CSMD3: variants seen among roughly 807,000 people sequenced by gnomAD.
The protein encoded by CSMD3 is CUB and sushi domain-containing protein 3.
In CSMD3, 177 loss-of-function variants were observed where a neutral mutation model predicts 435.2. The observed-to-expected ratio is 0.41, with a 90% CI of 0.36 to 0.46. The LOEUF (loss-of-function observed/expected upper bound fraction) is 0.46. Ranked by LOEUF, CSMD3 falls within the 20% of genes least tolerant of loss-of-function variation. The pLI is 0.34. For synonymous variants in CSMD3, 1,656 were observed against 1,520.5 expected, an observed-to-expected ratio of 1.09 and a Z score of -2.07; for missense variants, 4,265 against 4,504.6, an observed-to-expected ratio of 0.95 and a Z score of 1.52.
At chr8:113,345,788 G>T (rs2094147310) in intron 1 of CSMD3, among the ~76,000 whole-genome samples, 1 of 152,012 alleles carries the variant, frequency 6.6e-6, no homozygotes, top group South Asian at 2.1e-4. Context: ...GAAGAGACAG[G>T]CACAGTAAGA....
At position 113,142,900 on chromosome 8, in the gene CSMD3, C is replaced by T. The variant is rs534841718; in HGVS notation, c.709+30822G>A. Among the ~76,000 whole-genome samples the T allele has an allele frequency of 2.7e-5, 4 of 149,190 alleles. No individual in the cohort carries two copies. In the South Asian group the frequency reaches 6.3e-4, roughly 24 times the overall value. On this transcript the variant is annotated intron_variant, in intron 4 of 70. Transcript: ENST00000297405. ...TATATATATATATACCTACTATGTACATGCAAAAATTAAAAGTAAAAATAA... is the reference window on the plus strand; with the variant it reads ...TATATATATATATACCTACTATGTATATGCAAAAATTAAAAGTAAAAATAA...
At chr8:112,546,167 T>C (rs1214764356) in intron 27 of CSMD3, among the ~76,000 whole-genome samples, 4 of 152,142 alleles carry the variant, frequency 2.6e-5, no homozygotes, top group Non-Finnish European at 1.5e-5. Context: ...AAATGAATAG[T>C]GAGGAGTGAA....
chr8:112,662,629 T>C (rs1057333049), intron 17 of CSMD3, among the ~76,000 whole-genome samples: 1 of 152,136 alleles, frequency 6.6e-6, no homozygotes, highest in African/African-American at 2.4e-5. Context: ...ACTTCATGTC[T>C]AAAACACCAA....
chr8:112,871,115 A>G (rs1007567840), intron 10 of CSMD3, among the ~76,000 whole-genome samples: 17 of 152,298 alleles, frequency 1.1e-4, no homozygotes, highest in African/African-American at 3.1e-4. Context: ...CGTGATTATT[A>G]CCATTAAACA....
chr8:113,358,805 G>A (rs545724329), intron 1 of CSMD3, among the ~76,000 whole-genome samples: 4 of 151,900 alleles, frequency 2.6e-5, no homozygotes, highest in Non-Finnish European at 5.9e-5. Flanking sequence ...GGCAGAGATA[G>A]TCAAAACTCA....
intron 3 of CSMD3, among the ~76,000 whole-genome samples, chr8:113,237,768 TAAC>T (rs1212833819): frequency 1.3e-5 from 2 of 152,270 alleles, no homozygotes; most frequent in East Asian, 3.9e-4. Context: ...AGTAAAAATA[TAAC>T]AATGTTTATC....
intron 4 of CSMD3, among the ~76,000 whole-genome samples, chr8:113,133,010 C>T (rs771585711): frequency 6.6e-6 from 1 of 152,040 alleles, no homozygotes; most frequent in African/African-American, 2.4e-5. Flanking sequence ...TTTCACAGTA[C>T]ATTCTTGAAA....
intron 3 of CSMD3, among the ~76,000 whole-genome samples, chr8:113,252,905 T>G (rs1459430259): frequency 6.6e-6 from 1 of 151,902 alleles, no homozygotes; most frequent in African/African-American, 2.4e-5. Context: ...TGCTGAGAGG[T>G]AAACAGACAC....
In CSMD3 at chr8:113,436,925, G is replaced by C. The variant is rs2130161831; in HGVS notation, c.-71C>G. The C allele has an allele frequency of 1.3e-6, 2 of 1,550,182 alleles. No individual in the cohort carries two copies. The highest frequency in any genetic ancestry group is 1.8e-6 in the Non-Finnish European group (2 of 1,125,120). On this transcript the variant is annotated 5_prime_UTR_variant, in exon 1 of 71. Transcript: ENST00000297405. ...GAGTTGTTGCTGTTGTTGGTGCGCG[G>C]TCACAGCTCGGAGTGAATGGTGTTT...
intron 64 of CSMD3, among the ~76,000 whole-genome samples, chr8:112,245,809 A>T (rs1814675065): frequency 6.6e-6 from 1 of 152,166 alleles, no homozygotes; most frequent in Non-Finnish European, 1.5e-5. Context: ...AAGTGCTAGG[A>T]TTATAGGCGT....
chr8:112,896,371 G>A (rs1298947828), intron 10 of CSMD3, among the ~76,000 whole-genome samples: 1 of 151,380 alleles, frequency 6.6e-6, no homozygotes, highest in Non-Finnish European at 1.5e-5. Context: ...AGCAATTTCT[G>A]CCCAGCCTTG....
chr8:112,707,488 G>C (rs535954672), intron 13 of CSMD3, among the ~76,000 whole-genome samples: 4 of 150,566 alleles, frequency 2.7e-5, no homozygotes, highest in African/African-American at 4.9e-5. Context: ...TGCGGCGGGA[G>C]GGGGGTGGTT....
intron 23 of CSMD3, among the ~76,000 whole-genome samples, chr8:112,581,448 G>A (rs1364253889): frequency 6.6e-6 from 1 of 151,858 alleles, no homozygotes; most frequent in Admixed American, 6.6e-5. Context: ...GCTATATTTG[G>A]ACAAAATAAC....
chr8:113,025,759 G>C (rs1278063577), intron 5 of CSMD3, among the ~76,000 whole-genome samples: 5 of 152,184 alleles, frequency 3.3e-5, no homozygotes, highest in Non-Finnish European at 5.9e-5. Context: ...TGATTTTCTG[G>C]GGAGTCAGGA....
chr8:112,560,834 A>G (rs1377591963), intron 24 of CSMD3, among the ~76,000 whole-genome samples: 2 of 151,706 alleles, frequency 1.3e-5, no homozygotes, highest in African/African-American at 4.8e-5. Flanking sequence ...CATTTCTTCC[A>G]GCAGATATAA....
At chr8:112,475,090 T>G (rs1446496549) in intron 31 of CSMD3, among the ~76,000 whole-genome samples, 2 of 152,136 alleles carry the variant, frequency 1.3e-5, no homozygotes, top group African/African-American at 4.8e-5. Flanking sequence ...TCTTTCTGAT[T>G]TTAAGGTGCT....
intron 35 of CSMD3, among the ~76,000 whole-genome samples, chr8:112,400,149 A>C (rs1476367662): frequency 1.3e-5 from 2 of 152,200 alleles, no homozygotes; most frequent in Non-Finnish European, 2.9e-5. Context: ...GTGGCTTATA[A>C]ACAATAGAAA....
At chr8:113,023,646 C>T (rs1285694859) in intron 5 of CSMD3, among the ~76,000 whole-genome samples, 1 of 152,004 alleles carries the variant, frequency 6.6e-6, no homozygotes, top group Non-Finnish European at 1.5e-5. Context: ...AAATAAATAT[C>T]CTTTCTTTAC....
intron 13 of CSMD3, among the ~76,000 whole-genome samples, chr8:112,751,474 T>A (rs1400398359): frequency 6.6e-6 from 1 of 152,142 alleles, no homozygotes; most frequent in Non-Finnish European, 1.5e-5. Flanking sequence ...TATAGGTCCA[T>A]CAATTAAACC....
Sources: allele counts gnomAD v4.1 joint callset (sites outside exome capture counted in the v4.1 genomes callset), GRCh38; gene constraint gnomAD v4.1.1; transcripts MANE v1.5; gene names NCBI Gene and HGNC (gene_info 2026-07-23, HGNC 2026-07-21).